FAM222B: variants seen among roughly 807,000 people sequenced by gnomAD.
FAM222B encodes family with sequence similarity 222 member B.
FAM222B carries 12 observed loss-of-function variants against 38.0 expected under a neutral mutation model. The observed-to-expected ratio is 0.32, with a 90% CI of 0.20 to 0.51. FAM222B has a LOEUF of 0.51. Ranked by LOEUF, FAM222B falls within the 20% of genes least tolerant of loss-of-function variation. The probability of loss-of-function intolerance (pLI) is 0.97; values close to 1 mark genes in which losing one functional copy is unlikely to be tolerated. For synonymous variants in FAM222B, 329 were observed against 317.2 expected (o/e 1.04, Z -0.40); for missense variants, 716 against 754.2 (o/e 0.95, Z 0.59).
At chr17:28,806,857 A>C (rs2037518460) in intron 1 of FAM222B, among the ~76,000 whole-genome samples, 1 of 152,194 alleles carries the variant, frequency 6.6e-6, no homozygotes. Context: ...GGAAGAATTC[A>C]GAGACCTTGG....
upstream of FAM222B, among the ~76,000 whole-genome samples, chr17:28,843,262 C>G (rs920713759): frequency 2.9e-4 from 42 of 142,378 alleles, no homozygotes; most frequent in Non-Finnish European, 5.7e-4. Context: ...CTCAGCCTCC[C>G]GAGTAGCTGG....
intron 1 of FAM222B, among the ~76,000 whole-genome samples, chr17:28,842,148 G>A (rs563835425): frequency 2.0e-5 from 3 of 152,146 alleles, no homozygotes; most frequent in Non-Finnish European, 4.4e-5. Context: ...AGTGGGACCT[G>A]CCCAAGGTTA....
intron 1 of FAM222B, among the ~76,000 whole-genome samples, chr17:28,837,338 G>C: frequency 6.7e-6 from 1 of 150,222 alleles, no homozygotes; most frequent in Non-Finnish European, 1.5e-5. Context: ...GCTGAGGCAG[G>C]AGAATGGCGT....
At chr17:28,764,326 CCA>C (rs2035229695) in intron 2 of FAM222B, among the ~76,000 whole-genome samples, 1 of 151,090 alleles carries the variant, frequency 6.6e-6, no homozygotes, top group African/African-American at 2.4e-5. Context: ...GCCTGTAATC[CCA>C]CTACTCAGGA....
intron 1 of FAM222B, among the ~76,000 whole-genome samples, chr17:28,837,538 C>A (rs923522810): frequency 2.6e-5 from 4 of 151,796 alleles, no homozygotes; most frequent in Admixed American, 1.3e-4. Context: ...TAGTATTTTT[C>A]TTGTTAAATT....
intron 1 of FAM222B, among the ~76,000 whole-genome samples, chr17:28,827,543 T>C (rs1171257177): frequency 6.6e-6 from 1 of 152,150 alleles, no homozygotes; most frequent in African/African-American, 2.4e-5. Flanking sequence ...AGCAGGATAG[T>C]AAAATGTCAG....
rs921911180 is a variant in FAM222B at position 28,758,801 on chromosome 17, A to C, written c.1158T>G (p.Pro386=). 5 of 1,579,582 alleles carry C rather than the reference A, an allele frequency of 3.2e-6. No homozygotes were observed. The highest frequency in any genetic ancestry group is 4.3e-6 in the Non-Finnish European group (5 of 1,161,970). Residue 386 remains proline (P), a synonymous_variant, in exon 3 of 3, where the codon CCT becomes CCG. Transcript: ENST00000581407. Reference sequence around the variant, plus strand: ...CTGCCGCATGCTTGCCTGTCAGGCCAGGGGCTGGCGTCCCACTAGCCTCGC... The same window carrying C: ...CTGCCGCATGCTTGCCTGTCAGGCCCGGGGCTGGCGTCCCACTAGCCTCGC... ...MCSEASGTPA[P]GLTGKHAAGR... is the part of the protein sequence containing the mutation.
chr17:28,758,680 C>T lies in FAM222B; in HGVS notation c.1279G>A (p.Glu427Lys). Residue 427 changes from glutamate to lysine, a missense_variant, in exon 3 of 3, where the codon GAA (glutamate) becomes AAA (lysine). Coordinates refer to ENST00000581407, the MANE Select transcript of FAM222B (RefSeq NM_001077498.3). ...ACTGGTGGGGATGGGGTCGGCTTTTCCAGGGGTGGCTTCAGATGGAAGGAC... is the reference window on the plus strand; with the variant it reads ...ACTGGTGGGGATGGGGTCGGCTTTTTCAGGGGTGGCTTCAGATGGAAGGAC... The part of the protein sequence containing the change: ...AQSFHLKPPL[E>K]KPTPSPPVNG... The T allele has an allele frequency of 6.2e-7, 1 of 1,604,242 alleles. No individual in the cohort carries two copies. The highest frequency in any genetic ancestry group is 8.5e-7 in the Non-Finnish European group (1 of 1,173,818).
At chr17:28,848,147 C>T (rs1014169748) in intron 1 of FAM222B, among the ~76,000 whole-genome samples, 1 of 152,036 alleles carries the variant, frequency 6.6e-6, no homozygotes, top group Non-Finnish European at 1.5e-5. Context: ...TTGGCTCTCC[C>T]CTTCTGGTAT....
At chr17:28,808,545 A>G (rs529527146) in intron 1 of FAM222B, among the ~76,000 whole-genome samples, 1 of 152,332 alleles carries the variant, frequency 6.6e-6, no homozygotes, top group African/African-American at 2.4e-5. Flanking sequence ...CACCAACAAT[A>G]AATTCTACAT....
At chr17:28,829,784 T>C (rs2038594387) in intron 1 of FAM222B, among the ~76,000 whole-genome samples, 2 of 152,280 alleles carry the variant, frequency 1.3e-5, no homozygotes, top group South Asian at 2.1e-4. Flanking sequence ...AACAGTCACA[T>C]ACAAGTTTTT....
chr17:28,806,605 CAAAAT>C (rs2037508554), intron 1 of FAM222B, among the ~76,000 whole-genome samples: 1 of 152,116 alleles, frequency 6.6e-6, no homozygotes, highest in African/African-American at 2.4e-5. Flanking sequence ...CAAAACAAAA[CAAAAT>C]AAAATCACCT....
intron 1 of FAM222B, among the ~76,000 whole-genome samples, chr17:28,854,373 T>C (rs925761872): frequency 3.9e-5 from 6 of 152,226 alleles, no homozygotes; most frequent in African/African-American, 1.4e-4. Context: ...AAGCCACTTC[T>C]TCCTCCTTTG....
intron 2 of FAM222B, among the ~76,000 whole-genome samples, chr17:28,765,618 T>A (rs2035293775): frequency 6.6e-6 from 1 of 152,164 alleles, no homozygotes; most frequent in Non-Finnish European, 1.5e-5. Context: ...ATACTATACA[T>A]GGTAATGTGC....
At chr17:28,785,005 C>T (rs890344580) in intron 1 of FAM222B, among the ~76,000 whole-genome samples, 5 of 152,078 alleles carry the variant, frequency 3.3e-5, no homozygotes, top group African/African-American at 1.2e-4. Flanking sequence ...ATTCTCCCAC[C>T]TCAGTCTCCC....
chr17:28,844,767 C>A (rs1193877803), upstream of FAM222B, among the ~76,000 whole-genome samples: 4 of 152,158 alleles, frequency 2.6e-5, no homozygotes, highest in East Asian at 5.8e-4. Flanking sequence ...AGTTAGAGAC[C>A]AGCCTGGGCA....
At chr17:28,838,396 C>T (rs902058855) in intron 1 of FAM222B, among the ~76,000 whole-genome samples, 1 of 151,010 alleles carries the variant, frequency 6.6e-6, no homozygotes, top group Non-Finnish European at 1.5e-5. Flanking sequence ...CTGGCTAACA[C>T]GGTGAAACCT....
rs2035327093 is a variant in FAM222B, at chr17:28,766,376, C to G, written c.82+210G>C. On this transcript the variant is annotated intron_variant, in intron 2 of 2. Transcript: ENST00000581407. ...GGCTGAAGCAAGAGAATTGCTTAAC[C>G]CGGGAGGGAGAGGTTGCAGTGAGCC... 2.6e-5 allele frequency among the ~76,000 whole-genome samples: 4 copies of G among 152,018 alleles called. No homozygotes were observed. In the South Asian group the frequency reaches 8.3e-4, roughly 32 times the overall value.
chr17:28,763,287 T>G (rs1007467922), intron 2 of FAM222B, among the ~76,000 whole-genome samples: 3 of 152,220 alleles, frequency 2.0e-5, no homozygotes, highest in Non-Finnish European at 4.4e-5. Context: ...ATGAACATTT[T>G]CACTAAATGA....
Sources: gnomAD v4.1 joint callset for allele counts (sites outside exome capture counted in the v4.1 genomes callset) on GRCh38, gnomAD v4.1.1 for gene constraint, MANE v1.5 for transcripts, NCBI Gene and HGNC (gene_info 2026-07-23, HGNC 2026-07-21) for gene names.